The following RMST variants were observed in gnomAD, a reference collection of about 807,000 sequenced individuals.
RMST encodes long intergenic non-protein coding RNA 54.
At position 97,555,990 on chromosome 12, in the gene RMST, T is replaced by C. The variant is rs77564647; in HGVS notation, n.1546-4547T>C. On this transcript the variant is annotated intron_variant and non_coding_transcript_variant, in intron 11 of 13. Coordinates refer to ENST00000640149, the Ensembl canonical transcript of RMST. ...CCATGCATCTAATCTTTCTTCCCCC[T>C]TCTCAGGTTCTTGCTAAAGGATCAC... 9.5e-3 allele frequency among the ~76,000 whole-genome samples: 1,450 copies of C among 152,290 alleles called. 24 individuals carry two copies. Among genetic ancestry groups the C allele is most frequent in the African/African-American group, 0.033 (1,373 of 41,576 alleles).
chr12:97,479,263 C>A (rs1380963796), intron 5 of RMST, among the ~76,000 whole-genome samples: 3 of 151,118 alleles, frequency 2.0e-5, no homozygotes, highest in Non-Finnish European at 4.4e-5. Flanking sequence ...CCTCAGCCTC[C>A]CAAGGAGCTA....
At chr12:97,546,024 G>C (rs1440759148) in intron 11 of RMST, among the ~76,000 whole-genome samples, 1 of 152,042 alleles carries the variant, frequency 6.6e-6, no homozygotes, top group Non-Finnish European at 1.5e-5. Flanking sequence ...GTCACCATTG[G>C]CACAAAAAGA....
chr12:97,475,021 T>C (rs1252994830), intron 5 of RMST, among the ~76,000 whole-genome samples: 1 of 152,188 alleles, frequency 6.6e-6, no homozygotes, highest in African/African-American at 2.4e-5. Context: ...TAATGTTGCT[T>C]CCGAAAACAA....
intron 11 of RMST, among the ~76,000 whole-genome samples, chr12:97,539,579 G>A (rs548987361): frequency 6.6e-6 from 1 of 151,500 alleles, no homozygotes; most frequent in African/African-American, 2.4e-5. Flanking sequence ...TAAACAAAAC[G>A]ATGCCTGGGC....
intron 5 of RMST, among the ~76,000 whole-genome samples, chr12:97,469,180 GTA>G (rs1386956741): frequency 7.4e-4 from 87 of 117,338 alleles, no homozygotes; most frequent in Middle Eastern, 8.5e-3. Context: ...GTGTGTGTGT[GTA>G]TGTGTGTATA....
At chr12:97,535,006 T>G (rs977919101) in intron 11 of RMST, among the ~76,000 whole-genome samples, 6 of 151,672 alleles carry the variant, frequency 4.0e-5, no homozygotes, top group African/African-American at 1.4e-4. Context: ...AGTGGCAGAC[T>G]CAAGGATTTT....
chr12:97,537,720 A>G (rs1882178590), intron 11 of RMST, among the ~76,000 whole-genome samples: 1 of 151,484 alleles, frequency 6.6e-6, no homozygotes, highest in South Asian at 2.1e-4. Flanking sequence ...AAGTCACATC[A>G]TGGAGCTTTC....
intron 10 of RMST, among the ~76,000 whole-genome samples, chr12:97,510,927 C>A (rs1257359959): frequency 2.0e-5 from 3 of 152,022 alleles, no homozygotes; most frequent in African/African-American, 7.2e-5. Flanking sequence ...CACATGGAGT[C>A]CATAATTGGG....
intron 5 of RMST, chr12:97,492,396 T>C: frequency 6.4e-6 from 1 of 156,394 alleles, no homozygotes; most frequent in East Asian, 1.9e-4. Flanking sequence ...AAATGTAAAA[T>C]AAAGTTTTTT....
At chr12:97,502,894 T>A (rs1878246199) in intron 10 of RMST, among the ~76,000 whole-genome samples, 1 of 152,238 alleles carries the variant, frequency 6.6e-6, no homozygotes, top group South Asian at 2.1e-4. Flanking sequence ...CTTATATTGA[T>A]ATTCTTGTAC....
chr12:97,562,780 A>G (rs1484929202), intron 13 of RMST, among the ~76,000 whole-genome samples: 1 of 152,208 alleles, frequency 6.6e-6, no homozygotes, highest in Non-Finnish European at 1.5e-5. Context: ...AACTATTTCC[A>G]GTCTCTTCCC....
At chr12:97,512,291 C>G (rs1023573321) in intron 10 of RMST, among the ~76,000 whole-genome samples, 1 of 152,154 alleles carries the variant, frequency 6.6e-6, no homozygotes, top group Non-Finnish European at 1.5e-5. Flanking sequence ...CTCATAAAGG[C>G]AGTGGGGACC....
At chr12:97,557,709 A>C (rs1883809575) in intron 11 of RMST, among the ~76,000 whole-genome samples, 1 of 152,152 alleles carries the variant, frequency 6.6e-6, no homozygotes, top group African/African-American at 2.4e-5. Context: ...GTCACTTTGT[A>C]CTGGGGTTGT....
At chr12:97,514,735 T>A (rs990121665) in intron 10 of RMST, among the ~76,000 whole-genome samples, 1 of 152,110 alleles carries the variant, frequency 6.6e-6, no homozygotes, top group Non-Finnish European at 1.5e-5. Context: ...GATTACATTT[T>A]ATGGAACACA....
intron 5 of RMST, among the ~76,000 whole-genome samples, chr12:97,478,280 C>T (rs957973936): frequency 6.6e-6 from 1 of 152,182 alleles, no homozygotes; most frequent in African/African-American, 2.4e-5. Flanking sequence ...CTGAGAACTA[C>T]TCGATATTTG....
intron 11 of RMST, among the ~76,000 whole-genome samples, chr12:97,543,608 A>G (rs1388494283): frequency 6.6e-6 from 1 of 152,024 alleles, no homozygotes; most frequent in Non-Finnish European, 1.5e-5. Context: ...GCGTATGACT[A>G]TGAATAATGC....
intron 11 of RMST, among the ~76,000 whole-genome samples, chr12:97,551,371 A>C (rs1465665699): frequency 3.3e-5 from 5 of 152,192 alleles, no homozygotes; most frequent in Non-Finnish European, 7.3e-5. Context: ...GAGAAGCAAA[A>C]GGGAAATACT....
chr12:97,554,246 G>T lies in RMST; in HGVS notation n.1546-6291G>T, dbSNP rs547908968. On this transcript the variant is annotated intron_variant and non_coding_transcript_variant, in intron 11 of 13. Transcript: ENST00000640149. Reference sequence around the variant, plus strand: ...TGGGATTACAGGCACGAGCTACCGCGCCCAGCCAATGGTGACTATTTCTAT... The same window carrying T: ...TGGGATTACAGGCACGAGCTACCGCTCCCAGCCAATGGTGACTATTTCTAT... Among the ~76,000 whole-genome samples, 11 of 152,106 alleles carry T rather than the reference G, an allele frequency of 7.2e-5. No individual in the cohort carries two copies. In the East Asian group the frequency reaches 2.1e-3, roughly 29 times the overall value.
At chr12:97,503,643 T>C (rs1296400536) in intron 10 of RMST, among the ~76,000 whole-genome samples, 1 of 152,192 alleles carries the variant, frequency 6.6e-6, no homozygotes, top group East Asian at 1.9e-4. Flanking sequence ...GGCTGCAAAT[T>C]AGACATTGGT....
Sources: allele counts gnomAD v4.1 joint callset (sites outside exome capture counted in the v4.1 genomes callset), GRCh38; gene constraint gnomAD v4.1.1; transcripts MANE v1.5; gene names NCBI Gene and HGNC (gene_info 2026-07-23, HGNC 2026-07-21).